RIMKLB: variants seen among roughly 807,000 people sequenced by gnomAD.
RIMKLB encodes the protein beta-citrylglutamate synthase B.
In RIMKLB, 7 loss-of-function variants were observed where a neutral mutation model predicts 32.0. The observed-to-expected ratio is 0.22, with a 90% CI of 0.12 to 0.41. The LOEUF is 0.41. RIMKLB is among the 10% of genes least tolerant of loss of function. The probability of loss-of-function intolerance (pLI) is 1.00; values close to 1 mark genes in which losing one functional copy is unlikely to be tolerated. For synonymous variants in RIMKLB, 172 were observed against 185.1 expected (o/e 0.93, Z 0.57); for missense variants, 289 against 498.7 (o/e 0.58, Z 4.00).
chr12:8,757,255 C>T (rs185877101), intron 5 of RIMKLB, among the ~76,000 whole-genome samples: 6 of 152,166 alleles, frequency 3.9e-5, no homozygotes, highest in Non-Finnish European at 8.8e-5. Context: ...GGTGCTGTGG[C>T]TCAGTCCTGT....
intron 2 of RIMKLB, among the ~76,000 whole-genome samples, chr12:8,718,645 C>G (rs1945095306): frequency 1.0e-5 from 1 of 96,706 alleles, no homozygotes; most frequent in African/African-American, 4.2e-5. Flanking sequence ...CCGTCTCTCT[C>G]TCTCTCTCTA....
the RIMKLB span, among the ~76,000 whole-genome samples, chr12:8,670,296 G>A: frequency 6.6e-6 from 1 of 152,126 alleles, no homozygotes; most frequent in South Asian, 2.1e-4. Context: ...TCCAAGACAA[G>A]GCAAGTCCCT....
chr12:8,698,506 G>A (rs1355797020), intron 1 of RIMKLB, among the ~76,000 whole-genome samples: 1 of 152,102 alleles, frequency 6.6e-6, no homozygotes, highest in Non-Finnish European at 1.5e-5. Flanking sequence ...GCGGGGCCCG[G>A]CCTTCGCGCG....
upstream of RIMKLB, among the ~76,000 whole-genome samples, chr12:8,693,048 C>T (rs1274760754): frequency 6.6e-6 from 1 of 152,216 alleles, no homozygotes; most frequent in Non-Finnish European, 1.5e-5. Context: ...TTCGAGGCCT[C>T]TAGTTTTGAT....
chr12:8,722,842 A>G (rs1945597500), intron 2 of RIMKLB, among the ~76,000 whole-genome samples: 1 of 152,204 alleles, frequency 6.6e-6, no homozygotes, highest in Non-Finnish European at 1.5e-5. Flanking sequence ...CCTAAATCCC[A>G]TGAACCAAAC....
At chr12:8,748,552 G>A (rs1344905254) in intron 2 of RIMKLB, among the ~76,000 whole-genome samples, 6 of 108,228 alleles carry the variant, frequency 5.5e-5, no homozygotes, top group African/African-American at 1.6e-4. Context: ...GTGTGTGTGT[G>A]TGTGTGCATA....
chr12:8,750,934 C>T (rs1268511256), intron 3 of RIMKLB, among the ~76,000 whole-genome samples: 2 of 152,074 alleles, frequency 1.3e-5, no homozygotes, highest in Non-Finnish European at 2.9e-5. Context: ...CAGTAGAGTG[C>T]TTGGAGATTT....
In RIMKLB at chr12:8,774,210, A is replaced by T. The variant is rs2969088; in HGVS notation, c.*426A>T. 761,975 of 967,882 alleles carry T rather than the reference A, an allele frequency of 0.79. 301,613 individuals carry two copies. The highest frequency in any genetic ancestry group is 0.91 in the East Asian group (7,993 of 8,830). 60.0% of individuals were successfully genotyped at this position (967,882 alleles called of 1,614,324 possible). ...TGTCATCAGTGAGGAAAACATCTGC[A>T]TAAATTACAGGAATTTTTGTATTAT... On this transcript the variant is annotated 3_prime_UTR_variant, in exon 6 of 6. Coordinates refer to ENST00000535829, the MANE Select transcript of RIMKLB (RefSeq NM_001297776.2).
intron 4 of RIMKLB, 101 bp from the exon 5 acceptor site, chr12:8,753,789 G>C: frequency 1.1e-6 from 1 of 902,230 alleles, no homozygotes; most frequent in East Asian, 2.6e-5. Context: ...AATGTAGTTG[G>C]TTCTGAAATA....
At chr12:8,724,175 G>A (rs777179375) in intron 2 of RIMKLB, among the ~76,000 whole-genome samples, 2 of 151,744 alleles carry the variant, frequency 1.3e-5, no homozygotes, top group South Asian at 4.2e-4. Context: ...TGGTAATTTT[G>A]GATGGTCAGT....
At chr12:8,768,346 A>G (rs1950141010) in intron 5 of RIMKLB, among the ~76,000 whole-genome samples, 1 of 152,192 alleles carries the variant, frequency 6.6e-6, no homozygotes, top group African/African-American at 2.4e-5. Context: ...GCAGTGATGG[A>G]CAGTGAGCAA....
intron 1 of RIMKLB, among the ~76,000 whole-genome samples, chr12:8,686,968 G>A (rs768179861): frequency 6.6e-6 from 1 of 152,160 alleles, no homozygotes; most frequent in South Asian, 2.1e-4. Context: ...TTTCTCTAAG[G>A]ATTTCAATCT....
At chr12:8,768,191 G>T (rs1950128261) in intron 5 of RIMKLB, among the ~76,000 whole-genome samples, 1 of 152,214 alleles carries the variant, frequency 6.6e-6, no homozygotes, top group Admixed American at 6.5e-5. Flanking sequence ...GAAGAACCCA[G>T]GCACTTAGTT....
chr12:8,747,453 C>A (rs1948202737), intron 2 of RIMKLB, among the ~76,000 whole-genome samples: 1 of 152,044 alleles, frequency 6.6e-6, no homozygotes, highest in African/African-American at 2.4e-5. Flanking sequence ...ATTAGTTCTA[C>A]CTCCCTGATT....
chr12:8,782,584 G>GAGTT (rs781543341), intron 7 of RIMKLB, among the ~76,000 whole-genome samples: 1 of 152,016 alleles, frequency 6.6e-6, no homozygotes. Context: ...AATTTCCAGG[G>GAGTT]AGTTAGAATA....
chr12:8,717,825 A>C (rs1281109412), intron 2 of RIMKLB, among the ~76,000 whole-genome samples: 1 of 152,086 alleles, frequency 6.6e-6, no homozygotes, highest in Admixed American at 6.5e-5. Flanking sequence ...AATCCCCTTT[A>C]TGTTTTTATT....
upstream of RIMKLB, among the ~76,000 whole-genome samples, chr12:8,692,461 GC>G (rs1942758652): frequency 6.6e-6 from 1 of 152,146 alleles, no homozygotes; most frequent in South Asian, 2.1e-4. Flanking sequence ...CAGGTCAGAG[GC>G]AGAGGTCAAG....
chr12:8,681,533 C>A (rs1453450582), upstream of RIMKLB: 1 of 152,164 alleles, frequency 6.6e-6, no homozygotes, highest in Non-Finnish European at 1.5e-5. Context: ...GGTGTGGCTC[C>A]TATTCCGGAT....
At chr12:8,741,278 T>C (rs1332289553) in intron 2 of RIMKLB, among the ~76,000 whole-genome samples, 1 of 151,202 alleles carries the variant, frequency 6.6e-6, no homozygotes, top group East Asian at 1.9e-4. Context: ...CTTGGGAGGC[T>C]GAGGCAGGAG....
Sources: allele counts gnomAD v4.1 joint callset (sites outside exome capture counted in the v4.1 genomes callset), GRCh38; gene constraint gnomAD v4.1.1; transcripts MANE v1.5; gene names NCBI Gene and HGNC (gene_info 2026-07-23, HGNC 2026-07-21).